CDK14: variants seen among roughly 807,000 people sequenced by gnomAD.
The protein encoded by CDK14 is cyclin-dependent kinase 14.
In CDK14, 34 loss-of-function variants were observed where a neutral mutation model predicts 60.7. The observed-to-expected ratio is 0.56, with a 90% CI of 0.43 to 0.75. The LOEUF (loss-of-function observed/expected upper bound fraction) is 0.75. CDK14 is among the 30% of genes least tolerant of loss of function. The pLI is 0.00. For synonymous variants in CDK14, 197 were observed against 203.7 expected, an observed-to-expected ratio of 0.97 and a Z score of 0.28; for missense variants, 482 against 564.1, an observed-to-expected ratio of 0.85 and a Z score of 1.47.
intron 2 of CDK14, among the ~76,000 whole-genome samples, chr7:90,638,959 C>A (rs1305865585): frequency 6.6e-6 from 1 of 152,078 alleles, no homozygotes; most frequent in Non-Finnish European, 1.5e-5. Flanking sequence ...ACGTAGTTCT[C>A]GAGCCTTGGC....
At chr7:91,158,078 A>AT (rs1801038867) in intron 14 of CDK14, among the ~76,000 whole-genome samples, 3 of 66,548 alleles carry the variant, frequency 4.5e-5, no homozygotes, top group Non-Finnish European at 1.7e-4. Context: ...TATATACATT[A>AT]ATTATATACA....
chr7:91,197,654 A>G (rs1019938050), intron 14 of CDK14, among the ~76,000 whole-genome samples: 1 of 152,220 alleles, frequency 6.6e-6, no homozygotes, highest in Admixed American at 6.5e-5. Context: ...CCTATCTTTC[A>G]GGCACTTTTA....
At chr7:90,772,917 A>G (rs962058328) in intron 4 of CDK14, among the ~76,000 whole-genome samples, 3 of 152,208 alleles carry the variant, frequency 2.0e-5, no homozygotes, top group African/African-American at 7.2e-5. Flanking sequence ...AACCTAGGAA[A>G]TAGACACACA....
intron 5 of CDK14, among the ~76,000 whole-genome samples, chr7:90,850,910 G>A (rs560009295): frequency 5.3e-5 from 8 of 152,218 alleles, no homozygotes; most frequent in African/African-American, 1.9e-4. Context: ...AGTCCAGGTG[G>A]TGATGCTGCA....
At chr7:91,193,244 A>G (rs1453665189) in intron 14 of CDK14, among the ~76,000 whole-genome samples, 5 of 152,300 alleles carry the variant, frequency 3.3e-5, no homozygotes, top group Middle Eastern at 3.4e-3. Context: ...CCTGGAATCT[A>G]TGGGTCTATT....
intron 9 of CDK14, among the ~76,000 whole-genome samples, chr7:90,982,364 A>G (rs17479701): frequency 0.11 from 17,195 of 152,210 alleles, 1,146 homozygotes; most frequent in Middle Eastern, 0.26. Flanking sequence ...CAAATGGTAC[A>G]GTTTTATGCC....
At chr7:90,643,638 C>G (rs541166254) in intron 2 of CDK14, among the ~76,000 whole-genome samples, 6 of 152,108 alleles carry the variant, frequency 3.9e-5, no homozygotes, top group African/African-American at 1.4e-4. Flanking sequence ...TGTGTCGAAC[C>G]GCTTTATAAT....
At chr7:90,682,517 A>G (rs528191771) in intron 2 of CDK14, among the ~76,000 whole-genome samples, 1 of 152,204 alleles carries the variant, frequency 6.6e-6, no homozygotes, top group Non-Finnish European at 1.5e-5. Flanking sequence ...TTTCTTAGGG[A>G]TAAAGATATC....
chr7:90,633,725 A>G (rs1189795150), intron 2 of CDK14, among the ~76,000 whole-genome samples: 7 of 152,152 alleles, frequency 4.6e-5, no homozygotes, highest in Admixed American at 4.6e-4. Context: ...AATGCCTAAA[A>G]GACATTTTAT....
At chr7:91,071,577 G>A (rs1343915586) in intron 11 of CDK14, among the ~76,000 whole-genome samples, 1 of 152,218 alleles carries the variant, frequency 6.6e-6, no homozygotes, top group Non-Finnish European at 1.5e-5. Flanking sequence ...GGGGCCTAGG[G>A]TCCCAACCAT....
At chr7:90,745,443 C>T (rs999384344) in intron 3 of CDK14, among the ~76,000 whole-genome samples, 3 of 152,202 alleles carry the variant, frequency 2.0e-5, no homozygotes, top group Middle Eastern at 3.4e-3. Flanking sequence ...TTAGATGTAA[C>T]CTCTCCCTGA....
At chr7:90,739,382 T>C (rs1330937917) in intron 3 of CDK14, among the ~76,000 whole-genome samples, 1 of 152,226 alleles carries the variant, frequency 6.6e-6, no homozygotes, top group Non-Finnish European at 1.5e-5. Context: ...TTACTAAATC[T>C]TTCTTGTGAA....
chr7:91,151,820 A>T (rs923830604), intron 14 of CDK14, among the ~76,000 whole-genome samples: 13 of 152,186 alleles, frequency 8.5e-5, no homozygotes, highest in African/African-American at 3.1e-4. Flanking sequence ...ACTAAGATGG[A>T]GAAAGGAGTC....
chr7:91,071,467 G>A (rs1040970985), intron 11 of CDK14, among the ~76,000 whole-genome samples: 1 of 152,198 alleles, frequency 6.6e-6, no homozygotes, highest in African/African-American at 2.4e-5. Flanking sequence ...GCCAAGGGAG[G>A]CAGTGAGTGA....
At chr7:90,727,391 G>A (rs1019082582) in intron 3 of CDK14, among the ~76,000 whole-genome samples, 1 of 152,120 alleles carries the variant, frequency 6.6e-6, no homozygotes. Flanking sequence ...AGAATGTCCA[G>A]AAAGAAGTGT....
intron 5 of CDK14, among the ~76,000 whole-genome samples, chr7:90,796,763 C>T (rs1788450887): frequency 6.7e-6 from 1 of 150,348 alleles, no homozygotes; most frequent in Non-Finnish European, 1.5e-5. Context: ...GCTCATGAGA[C>T]ATCTGTATGA....
chr7:90,988,418 C>G (rs1193865151), intron 10 of CDK14, among the ~76,000 whole-genome samples: 1 of 152,154 alleles, frequency 6.6e-6, no homozygotes, highest in African/African-American at 2.4e-5. Context: ...CAAGCAGTAA[C>G]TCTGCTCTTA....
chr7:91,079,196 G>A (rs1172619205), intron 11 of CDK14, among the ~76,000 whole-genome samples: 3 of 152,116 alleles, frequency 2.0e-5, no homozygotes, highest in Non-Finnish European at 4.4e-5. Flanking sequence ...TTATTAGGAA[G>A]CCAAATTATG....
chr7:91,180,063 G>A (rs1247424854), intron 14 of CDK14, among the ~76,000 whole-genome samples: 1 of 152,044 alleles, frequency 6.6e-6, no homozygotes, highest in East Asian at 1.9e-4. Context: ...ATTCTATAAG[G>A]GAAGTGCACT....
Sources: allele counts gnomAD v4.1 joint callset (sites outside exome capture counted in the v4.1 genomes callset), GRCh38; gene constraint gnomAD v4.1.1; transcripts MANE v1.5; gene names NCBI Gene and HGNC (gene_info 2026-07-23, HGNC 2026-07-21).